Variants in PCDHGA4 observed in about 807,000 individuals in gnomAD.
The protein encoded by PCDHGA4 is protocadherin gamma-A4.
Under a neutral mutation model 54.6 loss-of-function variants are expected in PCDHGA4, and 38 were observed. The ratio of observed to expected loss-of-function variants is 0.70; its 90% CI spans 0.54 to 0.91. The LOEUF (loss-of-function observed/expected upper bound fraction) is 0.91, where lower values mean the gene tolerates loss of function less well. PCDHGA4 is among the 40% of genes least tolerant of loss of function. PCDHGA4 has a pLI of 0.00. For missense variants in PCDHGA4, 1,298 were observed against 1,220.9 expected, an observed-to-expected ratio of 1.06 and a Z score of -0.94; for synonymous variants, 511 against 512.9, an observed-to-expected ratio of 1.00 and a Z score of 0.05.
intron 1 of PCDHGA4, chr5:141,364,781 C>T (rs754157065): frequency 8.1e-6 from 13 of 1,613,988 alleles, no homozygotes; most frequent in Non-Finnish European, 1.0e-5. Flanking sequence ...TGCAGGGACA[C>T]GGTTAGTGCT....
chr5:141,454,142 C>T (rs2098782408), intron 1 of PCDHGA4, among the ~76,000 whole-genome samples: 1 of 152,222 alleles, frequency 6.6e-6, no homozygotes, highest in Non-Finnish European at 1.5e-5. Context: ...GGAATGTTCA[C>T]ACTGCTACTT....
rs373558342 is a variant in PCDHGA4 at position 141,374,559 on chromosome 5, A to C, written c.2514+16938A>C. 1.1e-4 allele frequency: 170 copies of C among 1,613,544 alleles called. No homozygotes were observed. The highest frequency in any genetic ancestry group is 1.3e-4 in the Non-Finnish European group (153 of 1,179,694). ...CGTTTTCCACTAATGGAGGTCTATG[A>C]CCCTGATGTGGGAATGAACTCCCTT... is the stretch of plus-strand genomic sequence containing the variant. On this transcript the variant is annotated intron_variant, in intron 1 of 3. Coordinates refer to ENST00000571252, the MANE Select transcript of PCDHGA4 (RefSeq NM_018917.4).
chr5:141,372,233 G>C, intron 1 of PCDHGA4: 1 of 1,613,368 alleles, frequency 6.2e-7, no homozygotes, highest in Non-Finnish European at 8.5e-7. Flanking sequence ...AGGCCAGCGA[G>C]CCCGGGCTGT....
intron 1 of PCDHGA4, among the ~76,000 whole-genome samples, chr5:141,464,301 T>A (rs1237581605): frequency 6.6e-6 from 1 of 150,782 alleles, no homozygotes; most frequent in Non-Finnish European, 1.5e-5. Flanking sequence ...CTCCATTGTA[T>A]GTGCACATAT....
Position 141,477,653 on chromosome 5 carries a change from A to C in PCDHGA4, c.2515-17154A>C. ...GCTAGTGGGTCGCTATTTCACAATA[A>C]ATCGTGACAATGGCATAGTGTCATC... On this transcript the variant is annotated intron_variant, in intron 1 of 3. Transcript: ENST00000571252. The surrounding 1 kb of genome is among the most constrained non-coding windows in gnomAD (Gnocchi z 4.9). The C allele has an allele frequency of 1.2e-6, 2 of 1,614,204 alleles. No individual in the cohort carries two copies. Among genetic ancestry groups the C allele is most frequent in the Non-Finnish European group, 1.7e-6 (2 of 1,180,036 alleles).
At chr5:141,509,071 G>T (rs1209992467) in intron 3 of PCDHGA4, among the ~76,000 whole-genome samples, 1 of 152,176 alleles carries the variant, frequency 6.6e-6, no homozygotes, top group Admixed American at 6.5e-5. Flanking sequence ...CAGCTCCGGG[G>T]ATTTGCGACA....
intron 1 of PCDHGA4, chr5:141,410,537 A>G (rs772317770): frequency 1.1e-5 from 17 of 1,613,760 alleles, no homozygotes; most frequent in African/African-American, 1.3e-5. Flanking sequence ...CAATGAAGAC[A>G]TGGTTTGCAG....
intron 1 of PCDHGA4, chr5:141,365,342 C>T (rs1206317970): frequency 2.5e-6 from 4 of 1,613,932 alleles, no homozygotes. Flanking sequence ...GGTCACAGTA[C>T]AGGACGTGAA....
intron 1 of PCDHGA4, chr5:141,392,678 G>A: frequency 1.1e-6 from 1 of 941,110 alleles, no homozygotes; most frequent in Non-Finnish European, 1.5e-6. Flanking sequence ...CTGCTGGACT[G>A]CAGCGAAACC....
intron 1 of PCDHGA4, chr5:141,372,934 G>A (rs1469163224): frequency 3.5e-6 from 3 of 866,562 alleles, no homozygotes; most frequent in Non-Finnish European, 5.1e-6. Flanking sequence ...CTGGTGTAGA[G>A]TAGGGTGTCT....
intron 3 of PCDHGA4, among the ~76,000 whole-genome samples, chr5:141,507,625 G>C (rs2099862215): frequency 6.6e-6 from 1 of 152,256 alleles, no homozygotes; most frequent in Non-Finnish European, 1.5e-5. Context: ...AGCTGTTGTG[G>C]CCTTGCGCCC....
At chr5:141,458,094 A>G (rs1036190372) in intron 1 of PCDHGA4, among the ~76,000 whole-genome samples, 3 of 152,260 alleles carry the variant, frequency 2.0e-5, no homozygotes, top group African/African-American at 7.2e-5. Context: ...AGTTAAGAGT[A>G]CTTACAGATA....
intron 1 of PCDHGA4, among the ~76,000 whole-genome samples, chr5:141,494,100 G>T (rs559145191): frequency 6.6e-6 from 1 of 152,152 alleles, no homozygotes; most frequent in Non-Finnish European, 1.5e-5. Flanking sequence ...ATTTTTCTCC[G>T]TCTCAGACAG....
At chr5:141,455,874 T>C (rs2098834969) in intron 1 of PCDHGA4, among the ~76,000 whole-genome samples, 1 of 146,458 alleles carries the variant, frequency 6.8e-6, no homozygotes, top group South Asian at 2.1e-4. Flanking sequence ...TTTATTTATT[T>C]ATTTATTTAT....
chr5:141,384,606 A>G (rs770325322), intron 1 of PCDHGA4: 1 of 1,614,152 alleles, frequency 6.2e-7, no homozygotes, highest in Admixed American at 1.7e-5. Context: ...CCCTCCCCAC[A>G]GATGGTTCTA....
chr5:141,357,209 A>C lies in PCDHGA4; in HGVS notation c.2102A>C (p.Asp701Ala). The change falls in exon 1 of 4, where the codon GAT (aspartate) becomes GCT (alanine). Residue 701 changes from aspartate to alanine, a missense_variant. Transcript: ENST00000571252. ...GTGGCTGTGGCCGACAGCATCCCAG[A>C]TGTCCTGGCTGACTTGGGCAGCCTC... is the stretch of plus-strand genomic sequence containing the variant. Reference protein sequence around the residue: ...LTVAVADSIPDVLADLGSLKP... With the variant: ...LTVAVADSIPAVLADLGSLKP... 1 of 1,613,552 alleles carries C rather than the reference A, an allele frequency of 6.2e-7. No homozygotes were observed. The highest frequency in any genetic ancestry group is 1.1e-5 in the South Asian group (1 of 91,048).
chr5:141,468,814 C>G (rs2099180978), intron 1 of PCDHGA4, among the ~76,000 whole-genome samples: 1 of 151,814 alleles, frequency 6.6e-6, no homozygotes, highest in African/African-American at 2.4e-5. Context: ...TGCAGTGAGC[C>G]AAGATCAAGC....
At chr5:141,419,190 A>G in intron 1 of PCDHGA4, 1 of 1,613,930 alleles carries the variant, frequency 6.2e-7, no homozygotes, top group South Asian at 1.1e-5. Flanking sequence ...CACATTACTG[A>G]CGTCAATGAC....
In PCDHGA4 at chr5:141,356,633, A is replaced by T. The variant is rs778939547; in HGVS notation, c.1526A>T (p.Asp509Val). 26 of 1,613,986 alleles carry T rather than the reference A, an allele frequency of 1.6e-5. No individual in the cohort carries two copies. The South Asian group carries it at 2.7e-4, about 17-fold the overall frequency. ...GASILSMTAQDPDSGDNARIT... is the reference protein window; with the variant it reads ...GASILSMTAQVPDSGDNARIT... ...TCCATCTTATCTATGACTGCTCAAGACCCTGACAGTGGTGACAATGCCCGA... is the reference window on the plus strand; with the variant it reads ...TCCATCTTATCTATGACTGCTCAAGTCCCTGACAGTGGTGACAATGCCCGA... Residue 509 changes from aspartate to valine, a missense_variant, in exon 1 of 4, where the codon GAC becomes GTC. By Grantham distance (152) the Asp-to-Val change is radical. Transcript: ENST00000571252.
Sources: allele counts gnomAD v4.1 joint callset (sites outside exome capture counted in the v4.1 genomes callset), GRCh38; gene constraint gnomAD v4.1.1; non-coding constraint Gnocchi (gnomAD v3.1); transcripts MANE v1.5; gene names NCBI Gene and HGNC (gene_info 2026-07-23, HGNC 2026-07-21).